Variants in TMEM178B observed in about 807,000 individuals in gnomAD.
TMEM178B encodes transmembrane protein 178B.
Under a neutral mutation model 31.0 loss-of-function variants are expected in TMEM178B, and 5 were observed. The ratio of observed to expected loss-of-function variants is 0.16; its 90% CI spans 0.08 to 0.34. TMEM178B has a LOEUF of 0.34. TMEM178B is among the 10% of genes least tolerant of loss of function. The probability of loss-of-function intolerance (pLI) is 1.00; values close to 1 mark genes in which losing one functional copy is unlikely to be tolerated. For synonymous variants in TMEM178B, 164 were observed against 164.0 expected, an observed-to-expected ratio of 1.00 and a Z score of 0.00; for missense variants, 275 against 400.3, an observed-to-expected ratio of 0.69 and a Z score of 2.67.
intron 2 of TMEM178B, among the ~76,000 whole-genome samples, chr7:141,376,903 T>A (rs1800224550): frequency 6.6e-6 from 1 of 152,206 alleles, no homozygotes; most frequent in Non-Finnish European, 1.5e-5. Context: ...AAGTATTAGA[T>A]GATGTGAAAA....
chr7:141,332,730 T>C (rs1279862087), intron 2 of TMEM178B, among the ~76,000 whole-genome samples: 1 of 152,254 alleles, frequency 6.6e-6, no homozygotes, highest in East Asian at 1.9e-4. Flanking sequence ...TCTATTTCTC[T>C]GCACCAAAAT....
At chr7:141,415,654 C>T (rs1801083221) in intron 2 of TMEM178B, among the ~76,000 whole-genome samples, 1 of 152,056 alleles carries the variant, frequency 6.6e-6, no homozygotes, top group South Asian at 2.1e-4. Flanking sequence ...AATCCAGGGA[C>T]AAAAAGGAAT....
At chr7:141,098,152 CA>C (rs771703275) in intron 1 of TMEM178B, among the ~76,000 whole-genome samples, 7 of 152,088 alleles carry the variant, frequency 4.6e-5, no homozygotes, top group Non-Finnish European at 8.8e-5. Flanking sequence ...GTTCCCTTAC[CA>C]AAAATATGAA....
chr7:141,394,226 C>T (rs1354006573), intron 2 of TMEM178B, among the ~76,000 whole-genome samples: 3 of 152,236 alleles, frequency 2.0e-5, no homozygotes, highest in Non-Finnish European at 4.4e-5. Flanking sequence ...GCGTCACCTC[C>T]GTGACAGCTT....
At chr7:141,170,472 A>G (rs1325361779) in intron 1 of TMEM178B, among the ~76,000 whole-genome samples, 1 of 152,136 alleles carries the variant, frequency 6.6e-6, no homozygotes, top group Non-Finnish European at 1.5e-5. Flanking sequence ...TAATCTGAGT[A>G]TGCCTCATAG....
intron 1 of TMEM178B, among the ~76,000 whole-genome samples, chr7:141,209,983 G>A (rs4725544): frequency 0.65 from 98,209 of 151,864 alleles, 32,297 homozygotes; most frequent in Middle Eastern, 0.7. Context: ...GTGTGTAAGA[G>A]GCCAACAGAG....
At chr7:141,163,606 A>G (rs1189272670) in intron 1 of TMEM178B, among the ~76,000 whole-genome samples, 1 of 149,062 alleles carries the variant, frequency 6.7e-6, no homozygotes, top group Non-Finnish European at 1.5e-5. Flanking sequence ...TCTGCCTTTC[A>G]GGTTCAAGGT....
chr7:141,115,634 G>A (rs868059830), intron 1 of TMEM178B, among the ~76,000 whole-genome samples: 5 of 152,132 alleles, frequency 3.3e-5, no homozygotes, highest in Non-Finnish European at 7.3e-5. Context: ...ATAAAAGTAG[G>A]GATCAGGCGA....
At position 141,405,645 on chromosome 7, in the gene TMEM178B, C is replaced by G. The variant is rs576472563; in HGVS notation, c.497-31963C>G. ...CAAACCAAACCCAGACTCCTGACAA[C>G]TGGACTCCTTCACCAGGTTGTGCAC... On this transcript the variant is annotated intron_variant, in intron 2 of 3. Coordinates refer to ENST00000565468, the MANE Select transcript of TMEM178B (RefSeq NM_001195278.2). 3.3e-5 allele frequency among the ~76,000 whole-genome samples: 5 copies of G among 152,330 alleles called. No homozygotes were observed. The South Asian group carries it at 1.0e-3, about 32-fold the overall frequency.
chr7:141,226,584 G>A (rs115589211), intron 2 of TMEM178B, among the ~76,000 whole-genome samples: 1,668 of 152,268 alleles, frequency 0.011, 33 homozygotes, highest in African/African-American at 0.038. Flanking sequence ...TAGGCGTGGA[G>A]GCTCATGCCT....
In TMEM178B at chr7:141,364,659, C is replaced by CAAA. The variant is rs980786132; in HGVS notation, c.497-72925_497-72923dup. 5.4e-3 allele frequency among the ~76,000 whole-genome samples: 256 copies of CAAA among 47,628 alleles called. 10 individuals carry two copies. The highest frequency in any genetic ancestry group is 0.019 in the Middle Eastern group (1 of 52). The allele number at this position is 47,628 out of a possible 152,430, so 31.2% of individuals were successfully genotyped here. On this transcript the variant is annotated intron_variant, in intron 2 of 3. Transcript: ENST00000565468. ...TGGGTGACAGAGTGAGACTCTGTCT[C>CAAA]AAAAAAAAAAAAAAAAAAAAAAAAA...
chr7:141,403,406 G>A (rs1026552704), intron 2 of TMEM178B, among the ~76,000 whole-genome samples: 4 of 152,146 alleles, frequency 2.6e-5, no homozygotes, highest in African/African-American at 7.2e-5. Context: ...TTCCAGTGCT[G>A]GGCATAGTGT....
intron 2 of TMEM178B, among the ~76,000 whole-genome samples, chr7:141,243,940 A>G (rs1024513472): frequency 6.6e-6 from 1 of 152,148 alleles, no homozygotes; most frequent in African/African-American, 2.4e-5. Flanking sequence ...GTCCTCCACA[A>G]TGCCTGCCCT....
chr7:141,243,921 T>G (rs1797684412), intron 2 of TMEM178B, among the ~76,000 whole-genome samples: 1 of 152,202 alleles, frequency 6.6e-6, no homozygotes. Context: ...AATACCCCTG[T>G]GTACCTGTGT....
chr7:141,162,335 G>A (rs1294897981), intron 1 of TMEM178B, among the ~76,000 whole-genome samples: 1 of 152,162 alleles, frequency 6.6e-6, no homozygotes, highest in Non-Finnish European at 1.5e-5. Flanking sequence ...ACCGTCCTTT[G>A]ACCCCCTGTC....
intron 1 of TMEM178B, among the ~76,000 whole-genome samples, chr7:141,106,136 G>A (rs1473440634): frequency 6.6e-6 from 1 of 151,598 alleles, no homozygotes; most frequent in Non-Finnish European, 1.5e-5. Context: ...GTCAGCCAAG[G>A]CAGAATTGTG....
At chr7:141,433,093 A>G (rs1334519349) in intron 2 of TMEM178B, among the ~76,000 whole-genome samples, 18 of 152,182 alleles carry the variant, frequency 1.2e-4, no homozygotes. Context: ...ACTTCAGTAC[A>G]ATACCCTGAC....
At chr7:141,114,986 G>T (rs961689662) in intron 1 of TMEM178B, among the ~76,000 whole-genome samples, 1 of 152,136 alleles carries the variant, frequency 6.6e-6, no homozygotes, top group Non-Finnish European at 1.5e-5. Flanking sequence ...TGTACATGGA[G>T]CTTGTGGACT....
chr7:141,509,546 A>G, the TMEM178B span, among the ~76,000 whole-genome samples: 2 of 152,090 alleles, frequency 1.3e-5, no homozygotes, highest in Non-Finnish European at 2.9e-5. Context: ...GCTACTCAGG[A>G]GGCTGAGGTA....
Sources: gnomAD v4.1 joint callset for allele counts (sites outside exome capture counted in the v4.1 genomes callset) on GRCh38, gnomAD v4.1.1 for gene constraint, MANE v1.5 for transcripts, NCBI Gene and HGNC (gene_info 2026-07-23, HGNC 2026-07-21) for gene names.